The following TTC7B variants were observed in gnomAD, a reference collection of about 807,000 sequenced individuals.
The protein encoded by TTC7B is tetratricopeptide repeat domain 7B.
A neutral mutation model predicts 106.8 loss-of-function variants in TTC7B; 28 were observed. The ratio of observed to expected loss-of-function variants is 0.26; its 90% CI spans 0.19 to 0.36. The LOEUF is 0.36. Among genes scored for constraint, TTC7B ranks in the 10% least tolerant of loss-of-function variants. TTC7B has a pLI of 1.00. For synonymous variants in TTC7B, 405 were observed against 430.6 expected (o/e 0.94, Z 0.74); for missense variants, 862 against 1,076.4 (o/e 0.80, Z 2.79).
At chr14:90,614,337 G>T (rs1489818954) in intron 16 of TTC7B, among the ~76,000 whole-genome samples, 1 of 152,234 alleles carries the variant, frequency 6.6e-6, no homozygotes. Context: ...AAATGCTGGT[G>T]ACTGTAAGGA....
intron 17 of TTC7B, chr14:90,603,145 G>A (rs990765176): frequency 3.9e-5 from 29 of 743,962 alleles, no homozygotes; most frequent in African/African-American, 3.6e-4. Context: ...GGATGTCCAC[G>A]TCATCTCAGC....
In TTC7B at chr14:90,689,499, C is replaced by T. The variant is rs751792495; in HGVS notation, c.950+41G>A. The T allele has an allele frequency of 2.6e-6, 4 of 1,559,496 alleles. No individual in the cohort carries two copies. In the African/African-American group the frequency reaches 4.1e-5, roughly 16 times the overall value. ...TCCTTGAATTTTCCCAAGTTTTCCT[C>T]CCAACCCATAACCTACAAGTGAGGA... On this transcript the variant is annotated intron_variant, in intron 7 of 19. Coordinates refer to ENST00000328459, the MANE Select transcript of TTC7B (RefSeq NM_001010854.2).
At chr14:90,691,898 C>T (rs1179300526) in intron 6 of TTC7B, among the ~76,000 whole-genome samples, 1 of 152,184 alleles carries the variant, frequency 6.6e-6, no homozygotes, top group Non-Finnish European at 1.5e-5. Context: ...CTGGGAACAA[C>T]CAACATGCTT....
intron 15 of TTC7B, among the ~76,000 whole-genome samples, chr14:90,631,888 T>C (rs1884720437): frequency 6.6e-6 from 1 of 152,272 alleles, no homozygotes; most frequent in Non-Finnish European, 1.5e-5. Context: ...ACTCTTTTCA[T>C]GTGCTTATTG....
chr14:90,618,093 A>G, intron 15 of TTC7B, 48 bp from the exon 16 acceptor site: 1 of 1,406,420 alleles, frequency 7.1e-7, no homozygotes, highest in Non-Finnish European at 1.0e-6. Flanking sequence ...CAAGCCACAG[A>G]GTCCCCATCC....
intron 19 of TTC7B, among the ~76,000 whole-genome samples, chr14:90,550,189 T>A (rs765404381): frequency 4.6e-5 from 7 of 152,080 alleles, no homozygotes; most frequent in Non-Finnish European, 8.8e-5. Context: ...TTCCACAGGT[T>A]GCAACTGCAG....
At chr14:90,583,005 A>G (rs1348065973) in intron 18 of TTC7B, among the ~76,000 whole-genome samples, 1 of 152,240 alleles carries the variant, frequency 6.6e-6, no homozygotes, top group Non-Finnish European at 1.5e-5. Flanking sequence ...CTAGGACAGA[A>G]CGAGGCCACA....
intron 17 of TTC7B, among the ~76,000 whole-genome samples, chr14:90,596,668 T>C (rs1258845315): frequency 1.3e-5 from 2 of 152,228 alleles, no homozygotes; most frequent in African/African-American, 2.4e-5. Flanking sequence ...GGTGCTTCTA[T>C]GTGGTTGTCA....
chr14:90,598,964 A>G (rs1186735675), intron 17 of TTC7B, among the ~76,000 whole-genome samples: 2 of 152,164 alleles, frequency 1.3e-5, no homozygotes, highest in Non-Finnish European at 2.9e-5. Flanking sequence ...GCTGGCCAAC[A>G]TGGTGAAACC....
chr14:90,673,619 T>C (rs1390682405), intron 9 of TTC7B, among the ~76,000 whole-genome samples: 3 of 152,140 alleles, frequency 2.0e-5, no homozygotes, highest in Non-Finnish European at 4.4e-5. Flanking sequence ...AGAAAGGTAA[T>C]ATAGGAAGTT....
chr14:90,802,977 A>AG lies in TTC7B; in HGVS notation c.121+13197_121+13198insC, dbSNP rs2030368730. ...TGAAACCCCATCTCTGCTAAAAAAA[A>AG]AAAAAAATACAAAAAATTAGCTGGA... On this transcript the variant is annotated intron_variant, in intron 1 of 19. Transcript: ENST00000328459. The surrounding 1 kb of genome is among the most constrained non-coding windows in gnomAD (Gnocchi z 4.7). Among the ~76,000 whole-genome samples the AG allele has an allele frequency of 1.3e-5, 2 of 151,432 alleles. No homozygotes were observed. The highest frequency in any genetic ancestry group is 4.9e-5 in the African/African-American group (2 of 41,176).
intron 17 of TTC7B, chr14:90,605,749 G>T: frequency 8.1e-7 from 1 of 1,237,870 alleles, no homozygotes; most frequent in Admixed American, 2.9e-5. Context: ...GGAGGAGGAG[G>T]AATCTGACAC....
At chr14:90,628,706 T>C (rs1884559166) in intron 15 of TTC7B, among the ~76,000 whole-genome samples, 1 of 152,238 alleles carries the variant, frequency 6.6e-6, no homozygotes, top group Non-Finnish European at 1.5e-5. Flanking sequence ...TGTGTCTCTC[T>C]GGGCTCCAGG....
At chr14:90,574,236 C>T (rs544957371) in intron 19 of TTC7B, among the ~76,000 whole-genome samples, 9 of 152,272 alleles carry the variant, frequency 5.9e-5, no homozygotes, top group African/African-American at 1.7e-4. Flanking sequence ...ACATAGCACA[C>T]GAATAAATGT....
At position 90,805,662 on chromosome 14, in the gene TTC7B, G is replaced by A. The variant is rs2030562641; in HGVS notation, c.121+10513C>T. On this transcript the variant is annotated intron_variant, in intron 1 of 19. Coordinates refer to ENST00000328459, the MANE Select transcript of TTC7B (RefSeq NM_001010854.2). The surrounding 1 kb of genome is among the most constrained non-coding windows in gnomAD (Gnocchi z 4.0). ...GCTTTTCCCTCGGGCATTATTTGGG[G>A]TTTAAGTGAGGCTGCAATAACCAGC... is the stretch of plus-strand genomic sequence containing the variant. 2.0e-5 allele frequency among the ~76,000 whole-genome samples: 3 copies of A among 152,228 alleles called. No homozygotes were observed. The South Asian group carries it at 6.2e-4, about 31-fold the overall frequency.
At chr14:90,756,300 C>T (rs1263041698) in intron 3 of TTC7B, among the ~76,000 whole-genome samples, 2 of 151,992 alleles carry the variant, frequency 1.3e-5, no homozygotes, top group African/African-American at 4.8e-5. Context: ...GGACTCTGCC[C>T]TTAAGAAATC....
At chr14:90,723,962 T>G (rs1283652741) in intron 5 of TTC7B, among the ~76,000 whole-genome samples, 2 of 152,196 alleles carry the variant, frequency 1.3e-5, no homozygotes, top group Non-Finnish European at 2.9e-5. Flanking sequence ...GAAAGCTTTA[T>G]AGGAACATCC....
Position 90,608,898 on chromosome 14 carries a change from T to C in TTC7B, c.1966+1844A>G, listed in dbSNP as rs1260259502. On this transcript the variant is annotated intron_variant, in intron 17 of 19. Transcript: ENST00000328459. This position sits in a 1 kb window ranked among gnomAD's most constrained non-coding sequence, Gnocchi z 5.1. ...GGAAGGAAAGGGGGTCTGAATTTAG[T>C]GTGGCTGTTCTCACAGGATACTTAG... Among the ~76,000 whole-genome samples the C allele has an allele frequency of 6.6e-6, 1 of 152,202 alleles. No individual in the cohort carries two copies. The highest frequency in any genetic ancestry group is 1.5e-5 in the Non-Finnish European group (1 of 68,028).
At chr14:90,735,044 A>G (rs1595334591) in intron 4 of TTC7B, among the ~76,000 whole-genome samples, 1 of 151,966 alleles carries the variant, frequency 6.6e-6, no homozygotes, top group South Asian at 2.1e-4. Context: ...TCGGCCTCCC[A>G]AAGTGCTAGG....
Sources: gnomAD v4.1 joint callset for allele counts (sites outside exome capture counted in the v4.1 genomes callset) on GRCh38, gnomAD v4.1.1 for gene constraint, Gnocchi (gnomAD v3.1) non-coding constraint, MANE v1.5 for transcripts, NCBI Gene and HGNC (gene_info 2026-07-23, HGNC 2026-07-21) for gene names.